THSD7A: variants seen among roughly 807,000 people sequenced by gnomAD.
The protein encoded by THSD7A is thrombospondin type 1 domain containing 7A.
Under a neutral mutation model 231.3 loss-of-function variants are expected in THSD7A, and 96 were observed. The observed-to-expected ratio is 0.41, with a 90% CI of 0.35 to 0.49. THSD7A has a LOEUF of 0.49. THSD7A is among the 20% of genes least tolerant of loss of function. The probability of loss-of-function intolerance (pLI) is 0.05; values close to 1 mark genes in which losing one functional copy is unlikely to be tolerated. For synonymous variants in THSD7A, 940 were observed against 743.3 expected (o/e 1.26, Z -4.30); for missense variants, 2,290 against 2,070.2 (o/e 1.11, Z -2.06).
At chr7:11,618,830 T>C (rs1445868058) in intron 2 of THSD7A, among the ~76,000 whole-genome samples, 1 of 151,770 alleles carries the variant, frequency 6.6e-6, no homozygotes, top group East Asian at 1.9e-4. Context: ...ATAAATTTAG[T>C]ATTAATATAC....
intron 1 of THSD7A, among the ~76,000 whole-genome samples, chr7:11,815,536 T>C (rs1784664561): frequency 6.6e-6 from 1 of 152,126 alleles, no homozygotes; most frequent in Non-Finnish European, 1.5e-5. Flanking sequence ...AAAAATAAAA[T>C]ATTACATCAT....
intron 15 of THSD7A, 108 bp downstream of exon 15, chr7:11,426,558 C>A: frequency 3.4e-6 from 4 of 1,190,360 alleles, no homozygotes; most frequent in South Asian, 1.6e-5. Context: ...ACATTTTCTC[C>A]CTGTAAAACA....
At chr7:11,546,908 CA>C (rs113285278) in intron 4 of THSD7A, among the ~76,000 whole-genome samples, 5,666 of 152,160 alleles carry the variant, frequency 0.037, 205 homozygotes, top group African/African-American at 0.084. Context: ...AATTTCATAA[CA>C]CAATTGAAAG....
At chr7:11,557,963 T>G (rs1417752200) in intron 4 of THSD7A, among the ~76,000 whole-genome samples, 3 of 152,164 alleles carry the variant, frequency 2.0e-5, no homozygotes. Context: ...TATTTTTGTG[T>G]GTTTTTGGCT....
rs1583694420 is a variant in THSD7A, at chr7:11,413,432, T to C, written c.3538-632A>G. 2.0e-5 allele frequency among the ~76,000 whole-genome samples: 3 copies of C among 151,800 alleles called. No individual in the cohort carries two copies. In the South Asian group the frequency reaches 6.4e-4, roughly 33 times the overall value. The stretch of plus-strand genomic sequence containing the variant: ...GTAAGGGTTATACAGAAACAAGCCC[T>C]TTGGAAAAACTCACTCTGCACCTGA... On this transcript the variant is annotated intron_variant, in intron 17 of 27. Transcript: ENST00000423059.
chr7:11,518,777 C>G (rs1562678649), intron 6 of THSD7A, among the ~76,000 whole-genome samples: 2 of 152,086 alleles, frequency 1.3e-5, no homozygotes, highest in African/African-American at 4.8e-5. Flanking sequence ...ACAATCAAGT[C>G]CACTGGACAA....
At chr7:11,586,764 G>A (rs943379803) in intron 4 of THSD7A, among the ~76,000 whole-genome samples, 5 of 152,070 alleles carry the variant, frequency 3.3e-5, no homozygotes, top group Non-Finnish European at 5.9e-5. Context: ...GAGGAAATGC[G>A]AGTTTTTTAC....
chr7:11,507,601 G>GTTTT (rs386409516), intron 6 of THSD7A, among the ~76,000 whole-genome samples: 1 of 142,804 alleles, frequency 7.0e-6, no homozygotes. Context: ...AATAATGTGT[G>GTTTT]TTTTTTTTTT....
intron 22 of THSD7A, among the ~76,000 whole-genome samples, chr7:11,404,173 A>G (rs760340892): frequency 3.9e-5 from 6 of 152,184 alleles, no homozygotes; most frequent in Non-Finnish European, 7.3e-5. Flanking sequence ...TTAGATTAGC[A>G]ATTGTTCTTT....
At chr7:11,388,563 T>A (rs1309016629) in intron 23 of THSD7A, among the ~76,000 whole-genome samples, 1 of 152,212 alleles carries the variant, frequency 6.6e-6, no homozygotes, top group Non-Finnish European at 1.5e-5. Flanking sequence ...TTATTGCATC[T>A]ATTTGATTGT....
chr7:11,758,551 C>G (rs1290223316), intron 1 of THSD7A, among the ~76,000 whole-genome samples: 1 of 151,938 alleles, frequency 6.6e-6, no homozygotes, highest in African/African-American at 2.4e-5. Context: ...CCCAAAGCAG[C>G]TCAAAATGGG....
intron 6 of THSD7A, among the ~76,000 whole-genome samples, chr7:11,512,897 T>C (rs1429672771): frequency 7.3e-6 from 1 of 137,002 alleles, no homozygotes; most frequent in Non-Finnish European, 1.5e-5. Flanking sequence ...CTGCACATTG[T>C]GCACATATAC....
chr7:11,384,305 A>G (rs1011387651), intron 23 of THSD7A: 1 of 151,822 alleles, frequency 6.6e-6, no homozygotes. Flanking sequence ...AATTGGCTTC[A>G]TAAGTATATT....
At chr7:11,687,892 T>C (rs1255619008) in intron 1 of THSD7A, among the ~76,000 whole-genome samples, 1 of 151,776 alleles carries the variant, frequency 6.6e-6, no homozygotes, top group African/African-American at 2.4e-5. Flanking sequence ...AATTTTATTT[T>C]TTTAAGGCGA....
chr7:11,755,342 T>C (rs746393812), intron 1 of THSD7A, among the ~76,000 whole-genome samples: 1 of 152,136 alleles, frequency 6.6e-6, no homozygotes, highest in Non-Finnish European at 1.5e-5. Context: ...ACAATACCAA[T>C]TAAAAGCATG....
intron 1 of THSD7A, among the ~76,000 whole-genome samples, chr7:11,725,288 C>A (rs1413804942): frequency 6.6e-6 from 1 of 151,894 alleles, no homozygotes; most frequent in African/African-American, 2.4e-5. Context: ...TACTTTTATA[C>A]TCTGATTTGA....
At chr7:11,538,240 C>T (rs927714569) in intron 6 of THSD7A, among the ~76,000 whole-genome samples, 26 of 151,668 alleles carry the variant, frequency 1.7e-4, no homozygotes, top group Admixed American at 2.6e-4. Context: ...AATGCAAAAA[C>T]AAACAAAAAA....
intron 1 of THSD7A, among the ~76,000 whole-genome samples, chr7:11,720,112 T>C (rs1330451968): frequency 6.6e-6 from 1 of 151,700 alleles, no homozygotes; most frequent in Non-Finnish European, 1.5e-5. Context: ...AGGGGTACGA[T>C]ATAAATACAT....
At chr7:11,635,350 T>A (rs1781796193) in intron 2 of THSD7A, among the ~76,000 whole-genome samples, 1 of 152,202 alleles carries the variant, frequency 6.6e-6, no homozygotes, top group Non-Finnish European at 1.5e-5. Flanking sequence ...TCCCAGATGG[T>A]CTGGTTTATC....
Sources: allele counts gnomAD v4.1 joint callset (sites outside exome capture counted in the v4.1 genomes callset), GRCh38; gene constraint gnomAD v4.1.1; transcripts MANE v1.5; gene names NCBI Gene and HGNC (gene_info 2026-07-23, HGNC 2026-07-21).